The following ZPBP variants were observed in gnomAD, a reference collection of about 807,000 sequenced individuals.
ZPBP encodes the protein zona pellucida-binding protein 1.
Under a neutral mutation model 44.8 loss-of-function variants are expected in ZPBP, and 26 were observed. That is an observed-to-expected ratio of 0.58 (90% CI 0.43 to 0.81). The LOEUF (loss-of-function observed/expected upper bound fraction) is 0.81. Ranked by LOEUF, ZPBP falls within the 30% of genes least tolerant of loss-of-function variation. The pLI, the probability that ZPBP is intolerant of heterozygous loss-of-function variation, is 0.00. For synonymous variants in ZPBP, 174 were observed against 153.2 expected (o/e 1.14, Z -1.00); for missense variants, 409 against 434.0 (o/e 0.94, Z 0.51).
intron 5 of ZPBP, among the ~76,000 whole-genome samples, chr7:50,022,482 T>C (rs1799145225): frequency 6.6e-6 from 1 of 151,978 alleles, no homozygotes; most frequent in Non-Finnish European, 1.5e-5. Flanking sequence ...ATTCTAATTA[T>C]AGTTCTCAGG....
intron 6 of ZPBP, among the ~76,000 whole-genome samples, chr7:49,998,738 G>A (rs1368481830): frequency 6.6e-6 from 1 of 151,982 alleles, no homozygotes; most frequent in African/African-American, 2.4e-5. Context: ...TTTAAATCTA[G>A]TAAGACTAGA....
chr7:49,982,349 A>G (rs1486473509), intron 7 of ZPBP, among the ~76,000 whole-genome samples: 1 of 128,890 alleles, frequency 7.8e-6, no homozygotes, highest in Non-Finnish European at 1.6e-5. Flanking sequence ...TACATAATAT[A>G]TAATTATATA....
At chr7:50,030,543 A>C (rs955045664) in intron 5 of ZPBP, among the ~76,000 whole-genome samples, 1 of 152,078 alleles carries the variant, frequency 6.6e-6, no homozygotes, top group South Asian at 2.1e-4. Context: ...CTAGCAAGCA[A>C]TAACATTTGA....
chr7:50,061,811 T>C (rs945156483), intron 3 of ZPBP, among the ~76,000 whole-genome samples: 3 of 152,242 alleles, frequency 2.0e-5, no homozygotes, highest in African/African-American at 7.2e-5. Context: ...TGAGAATCGC[T>C]CGAACCTGAG....
intron 1 of ZPBP, among the ~76,000 whole-genome samples, chr7:50,090,465 ATATT>A (rs748539015): frequency 6.6e-5 from 5 of 75,706 alleles, no homozygotes; most frequent in Admixed American, 1.6e-4. Flanking sequence ...TTCCATATAT[ATATT>A]TATGTTTGTG....
At chr7:49,944,391 C>T (rs957806414) in intron 7 of ZPBP, 4 of 196,752 alleles carry the variant, frequency 2.0e-5, no homozygotes, top group Admixed American at 1.8e-4. Context: ...TTTGTGCTGG[C>T]ATCGAAGAGG....
intron 1 of ZPBP, among the ~76,000 whole-genome samples, chr7:49,902,550 T>C (rs775945659): frequency 1.8e-4 from 22 of 124,194 alleles, no homozygotes; most frequent in Non-Finnish European, 3.7e-4. Flanking sequence ...TGGATATCCG[T>C]AGCCAAAAAA....
intron 7 of ZPBP, among the ~76,000 whole-genome samples, chr7:49,961,599 T>G (rs1421449395): frequency 6.6e-6 from 1 of 152,126 alleles, no homozygotes; most frequent in Non-Finnish European, 1.5e-5. Context: ...TTGTATGTCA[T>G]TGCTGAGCCA....
chr7:50,008,268 A>G (rs1798404957), intron 6 of ZPBP, among the ~76,000 whole-genome samples: 1 of 152,088 alleles, frequency 6.6e-6, no homozygotes, highest in Admixed American at 6.6e-5. Context: ...AAACAATTCC[A>G]CTTACAATAG....
intron 3 of ZPBP, among the ~76,000 whole-genome samples, chr7:50,081,494 T>C (rs542117199): frequency 2.6e-5 from 4 of 151,878 alleles, no homozygotes; most frequent in East Asian, 3.9e-4. Flanking sequence ...AAATCAGTCA[T>C]ACAAACAGTA....
Position 50,081,893 on chromosome 7 carries a change from G to T in ZPBP, c.215C>A (p.Ala72Glu). Residue 72 changes from alanine to glutamate, a missense_variant, in exon 3 of 8, where the codon GCG becomes GAG. By Grantham distance (107) the Ala-to-Glu change is moderately radical. Transcript: ENST00000046087. ...IVGSTSFPVK[A>E]YVMLHQKSPH... is the part of the protein sequence containing the mutation. ...ACTCTTTTGATGGAGCATGACATACGCTTTCACTGAAAATACAATATTTAA... is the reference window on the plus strand; with the variant it reads ...ACTCTTTTGATGGAGCATGACATACTCTTTCACTGAAAATACAATATTTAA... 6.2e-7 allele frequency: 1 copy of T among 1,610,402 alleles called. No individual in the cohort carries two copies. Among genetic ancestry groups the T allele is most frequent in the Non-Finnish European group, 8.5e-7 (1 of 1,177,660 alleles).
chr7:50,072,378 C>A (rs1313752315), intron 3 of ZPBP, among the ~76,000 whole-genome samples: 3 of 152,212 alleles, frequency 2.0e-5, no homozygotes, highest in Admixed American at 6.5e-5. Flanking sequence ...TTACTCTAGT[C>A]CCTGAATCCC....
chr7:50,054,486 G>A (rs35383742), intron 4 of ZPBP, among the ~76,000 whole-genome samples: 74,670 of 151,766 alleles, frequency 0.49, 19,019 homozygotes, highest in East Asian at 0.67. Context: ...TAATAATTAA[G>A]CAGTGTATAT....
chr7:49,988,412 T>C (rs1797414792), intron 6 of ZPBP, among the ~76,000 whole-genome samples: 2 of 152,172 alleles, frequency 1.3e-5, no homozygotes, highest in Non-Finnish European at 2.9e-5. Flanking sequence ...TTTGACATGT[T>C]TAGGTACATG....
downstream of ZPBP, among the ~76,000 whole-genome samples, chr7:49,849,448 G>T (rs557639108): frequency 1.8e-4 from 28 of 152,334 alleles, no homozygotes; most frequent in South Asian, 5.8e-3. Context: ...CAGACTGTCA[G>T]GAAGGGTCCT....
At chr7:50,053,605 TTAATA>T (rs1416050543) in intron 4 of ZPBP, among the ~76,000 whole-genome samples, 15 of 152,194 alleles carry the variant, frequency 9.9e-5, no homozygotes, top group Non-Finnish European at 1.8e-4. Context: ...TGAATTTTTG[TTAATA>T]TATTATAGAA....
downstream of ZPBP, chr7:49,936,195 G>T (rs565655333): frequency 6.6e-6 from 1 of 152,098 alleles, no homozygotes. Context: ...TAACTCACCC[G>T]AACAGTGTAA....
chr7:50,069,454 CATTT>C, intron 3 of ZPBP, among the ~76,000 whole-genome samples: 1 of 152,284 alleles, frequency 6.6e-6, no homozygotes, highest in Non-Finnish European at 1.5e-5. Flanking sequence ...GGGCTGCATT[CATTT>C]AGTCATGAGT....
intron 2 of ZPBP, among the ~76,000 whole-genome samples, chr7:50,085,764 T>G (rs564006992): frequency 6.6e-6 from 1 of 152,090 alleles, no homozygotes; most frequent in Non-Finnish European, 1.5e-5. Context: ...GGGAAAACAA[T>G]AGGTTAACCA....
Sources: allele counts gnomAD v4.1 joint callset (sites outside exome capture counted in the v4.1 genomes callset), GRCh38; gene constraint gnomAD v4.1.1; transcripts MANE v1.5; gene names NCBI Gene and HGNC (gene_info 2026-07-23, HGNC 2026-07-21).